MAP3K1: variants seen among roughly 807,000 people sequenced by gnomAD.
The protein encoded by MAP3K1 is mitogen-activated protein kinase kinase kinase 1.
MAP3K1 carries 36 observed loss-of-function variants against 144.2 expected under a neutral mutation model. The observed-to-expected ratio is 0.25, with a 90% CI of 0.19 to 0.33. MAP3K1 has a LOEUF of 0.33. Among genes scored for constraint, MAP3K1 ranks in the 10% least tolerant of loss-of-function variants. The pLI is 1.00. For synonymous variants in MAP3K1, 718 were observed against 688.7 expected, an observed-to-expected ratio of 1.04 and a Z score of -0.67; for missense variants, 1,650 against 1,881.9, an observed-to-expected ratio of 0.88 and a Z score of 2.28.
At chr5:56,846,601 A>C (rs1385905107) in intron 1 of MAP3K1, among the ~76,000 whole-genome samples, 1 of 152,190 alleles carries the variant, frequency 6.6e-6, no homozygotes, top group Non-Finnish European at 1.5e-5. Flanking sequence ...ATCCCTACCA[A>C]TTTTAAGAGT....
rs1458721233 is a variant in MAP3K1, at chr5:56,879,110, T to TC, written c.2087+9_2087+10insC. ...TGTGCAGATGCCAATAGGTAAGGCT[T>TC]TATTGATGAATCACTTCAAACCCTC... is the stretch of plus-strand genomic sequence containing the variant. On this transcript the variant is annotated intron_variant, in intron 11 of 19. Transcript: ENST00000399503. 5.6e-6 allele frequency: 9 copies of TC among 1,613,734 alleles called. No individual in the cohort carries two copies. The highest frequency in any genetic ancestry group is 5.9e-6 in the Non-Finnish European group (7 of 1,179,796).
intron 1 of MAP3K1, among the ~76,000 whole-genome samples, chr5:56,849,429 G>A (rs1055424481): frequency 6.6e-6 from 1 of 151,900 alleles, no homozygotes; most frequent in Admixed American, 6.6e-5. Flanking sequence ...GATAAAAGTA[G>A]TAGTGCCTGT....
In MAP3K1 at chr5:56,815,588, G is replaced by T. The variant is rs759046760; in HGVS notation, c.15G>T (p.Ala5=). 11 of 1,296,192 alleles carry T rather than the reference G, an allele frequency of 8.5e-6. No individual in the cohort carries two copies. Among genetic ancestry groups the T allele is most frequent in the African/African-American group, 3.1e-5 (2 of 64,254 alleles). 80.3% of individuals were successfully genotyped at this position (1,296,192 alleles called of 1,614,324 possible). The change falls in exon 1 of 20, where the codon GCG becomes GCT. Residue 5 remains alanine (A), a synonymous_variant. Coordinates refer to ENST00000399503, the MANE Select transcript of MAP3K1 (RefSeq NM_005921.2). ...CGCGAGAGAAAATGGCGGCGGCGGC[G>T]GGGAATCGCGCCTCGTCGTCGGGAT... The part of the protein sequence containing the change: MAAA[A]GNRASSSGFP...
intron 1 of MAP3K1, among the ~76,000 whole-genome samples, chr5:56,818,708 C>T (rs895858936): frequency 3.6e-4 from 54 of 152,110 alleles, no homozygotes; most frequent in African/African-American, 1.3e-3. Context: ...CTCCATTGAA[C>T]AGCCTATTGT....
chr5:56,889,078 TC>T (rs1444370846), intron 19 of MAP3K1, among the ~76,000 whole-genome samples: 6 of 152,228 alleles, frequency 3.9e-5, no homozygotes, highest in African/African-American at 1.4e-4. Flanking sequence ...TGTATATATA[TC>T]CATCCATCAC....
chr5:56,855,776 T>C (rs961425295), intron 1 of MAP3K1, among the ~76,000 whole-genome samples: 1 of 152,228 alleles, frequency 6.6e-6, no homozygotes, highest in African/African-American at 2.4e-5. Flanking sequence ...GAAATTAGCT[T>C]AGTATTTTTA....
chr5:56,852,267 A>T (rs1747197928), intron 1 of MAP3K1, among the ~76,000 whole-genome samples: 1 of 152,190 alleles, frequency 6.6e-6, no homozygotes, highest in Non-Finnish European at 1.5e-5. Flanking sequence ...CTCATAGAAG[A>T]GTAGAGGAGA....
chr5:56,851,757 C>T (rs1411803667), intron 1 of MAP3K1, among the ~76,000 whole-genome samples: 1 of 152,188 alleles, frequency 6.6e-6, no homozygotes, highest in Non-Finnish European at 1.5e-5. Flanking sequence ...GACCAGGCAG[C>T]TGTGGAAGCT....
At chr5:56,822,939 T>C (rs1352394048) in intron 1 of MAP3K1, among the ~76,000 whole-genome samples, 2 of 152,154 alleles carry the variant, frequency 1.3e-5, no homozygotes, top group South Asian at 2.1e-4. Context: ...TGACCTGTTA[T>C]CACACCCCTA....
intron 18 of MAP3K1, 21 bp from the exon 19 acceptor site, chr5:56,888,205 A>C: frequency 6.2e-7 from 1 of 1,611,768 alleles, no homozygotes; most frequent in Non-Finnish European, 8.5e-7. Context: ...CTATTTCCAA[A>C]TTAACTCTGA....
intron 1 of MAP3K1, among the ~76,000 whole-genome samples, chr5:56,843,519 T>A (rs1340349846): frequency 6.6e-6 from 1 of 152,238 alleles, no homozygotes; most frequent in East Asian, 1.9e-4. Context: ...GAAAATAAAT[T>A]ACCAAGGTTT....
chr5:56,838,550 T>A (rs890984699), intron 1 of MAP3K1, among the ~76,000 whole-genome samples: 19 of 152,258 alleles, frequency 1.2e-4, no homozygotes, highest in African/African-American at 4.6e-4. Flanking sequence ...TTAGAGTTAA[T>A]GTGCCTTCTC....
chr5:56,885,832 T>A, intron 16 of MAP3K1, 100 bp from the exon 17 acceptor site: 1 of 931,724 alleles, frequency 1.1e-6, no homozygotes, highest in Non-Finnish European at 1.7e-6. Flanking sequence ...GTTTCAGATG[T>A]GAATGTGAGT....
intron 10 of MAP3K1, among the ~76,000 whole-genome samples, chr5:56,876,763 G>T (rs992395855): frequency 3.3e-5 from 5 of 152,180 alleles, no homozygotes; most frequent in Admixed American, 2.0e-4. Context: ...ATTAGATTAT[G>T]TAGAAACTTT....
Position 56,882,141 on chromosome 5 carries a change from C to T in MAP3K1, c.2941C>T (p.Pro981Ser), listed in dbSNP as rs2111944037. The T allele has an allele frequency of 6.2e-7, 1 of 1,614,056 alleles. No homozygotes were observed. The highest frequency in any genetic ancestry group is 8.5e-7 in the Non-Finnish European group (1 of 1,180,016). Residue 981 changes from proline to serine, a missense_variant, in exon 14 of 20, where the codon CCA becomes TCA. Coordinates refer to ENST00000399503, the MANE Select transcript of MAP3K1 (RefSeq NM_005921.2). ...PLSHHSQLMF[P>S]ALSTPSSSTP... ...ATCTCATCATTCCCAATTAATGTTT[C>T]CAGCCTTGTCAACCCCTTCTTCTTC...
intron 1 of MAP3K1, among the ~76,000 whole-genome samples, chr5:56,825,846 T>C (rs564325311): frequency 1.3e-5 from 2 of 152,264 alleles, no homozygotes; most frequent in African/African-American, 2.4e-5. Context: ...CCAGACTCCA[T>C]AATGCAGTTC....
intron 1 of MAP3K1, among the ~76,000 whole-genome samples, chr5:56,817,791 C>T (rs551926170): frequency 9.8e-5 from 15 of 152,316 alleles, no homozygotes; most frequent in African/African-American, 3.6e-4. Context: ...CAAACGTCAG[C>T]ATTCTAGTAC....
chr5:56,830,310 G>T (rs1746447559), intron 1 of MAP3K1, among the ~76,000 whole-genome samples: 1 of 152,178 alleles, frequency 6.6e-6, no homozygotes, highest in Admixed American at 6.5e-5. Flanking sequence ...TATCTGAGTA[G>T]AAGATACTGT....
intron 6 of MAP3K1, among the ~76,000 whole-genome samples, chr5:56,868,541 T>A (rs960592206): frequency 6.6e-6 from 1 of 151,898 alleles, no homozygotes; most frequent in Admixed American, 6.6e-5. Context: ...CCTGCCACCA[T>A]GCCCAGCTAA....
Sources: allele counts gnomAD v4.1 joint callset (sites outside exome capture counted in the v4.1 genomes callset), GRCh38; gene constraint gnomAD v4.1.1; transcripts MANE v1.5; gene names NCBI Gene and HGNC (gene_info 2026-07-23, HGNC 2026-07-21).